GRID2: variants seen among roughly 807,000 people sequenced by gnomAD.
GRID2 encodes the protein glutamate ionotropic receptor delta type subunit 2, also known as glutamate receptor ionotropic, delta-2.
A neutral mutation model predicts 114.8 loss-of-function variants in GRID2; 33 were observed. The observed-to-expected ratio is 0.29, with a 90% CI of 0.22 to 0.38. The LOEUF is 0.38. Ranked by LOEUF, GRID2 falls within the 10% of genes least tolerant of loss-of-function variation. The pLI is 1.00. For synonymous variants in GRID2, 505 were observed against 449.9 expected (o/e 1.12, Z -1.55); for missense variants, 1,184 against 1,257.7 (o/e 0.94, Z 0.89).
chr4:93,644,568 A>G (rs908231662), intron 14 of GRID2, among the ~76,000 whole-genome samples: 2 of 152,182 alleles, frequency 1.3e-5, no homozygotes, highest in Admixed American at 1.3e-4. Context: ...TACTCCCTAA[A>G]AAAACCATCG....
intron 13 of GRID2, among the ~76,000 whole-genome samples, chr4:93,567,858 G>T (rs1735582180): frequency 6.6e-6 from 1 of 152,172 alleles, no homozygotes; most frequent in Admixed American, 6.5e-5. Flanking sequence ...AATGCATTTG[G>T]ATTTAAATGT....
At chr4:93,315,178 C>A (rs919142952) in intron 8 of GRID2, among the ~76,000 whole-genome samples, 1 of 152,088 alleles carries the variant, frequency 6.6e-6, no homozygotes, top group Non-Finnish European at 1.5e-5. Context: ...CACTCACCAT[C>A]ACAAGAACAG....
chr4:93,634,328 C>G (rs916253646), intron 14 of GRID2, among the ~76,000 whole-genome samples: 7 of 151,896 alleles, frequency 4.6e-5, no homozygotes, highest in African/African-American at 1.7e-4. Context: ...ATAAAAACGG[C>G]CATCATGTGT....
At chr4:93,086,141 CT>C (rs1457841654) in intron 3 of GRID2, among the ~76,000 whole-genome samples, 3 of 151,982 alleles carry the variant, frequency 2.0e-5, no homozygotes, top group African/African-American at 4.8e-5. Flanking sequence ...TAAAGAATGC[CT>C]ATTTTGAAAC....
intron 2 of GRID2, among the ~76,000 whole-genome samples, chr4:92,919,042 C>G (rs1439531600): frequency 6.6e-6 from 1 of 152,030 alleles, no homozygotes; most frequent in Non-Finnish European, 1.5e-5. Flanking sequence ...TGTTATTGGC[C>G]CATTCAGAGA....
chr4:92,307,491 C>T (rs1054190308), intron 1 of GRID2, among the ~76,000 whole-genome samples: 1 of 152,086 alleles, frequency 6.6e-6, no homozygotes, highest in Non-Finnish European at 1.5e-5. Flanking sequence ...ATTGAACCAA[C>T]TTATATATAC....
At chr4:93,200,566 A>AGAAC (rs1554006815) in intron 4 of GRID2, among the ~76,000 whole-genome samples, 2 of 149,762 alleles carry the variant, frequency 1.3e-5, no homozygotes, top group African/African-American at 5.0e-5. Flanking sequence ...ACTCCGTCTC[A>AGAAC]AAACAAACAA....
intron 2 of GRID2, among the ~76,000 whole-genome samples, chr4:92,980,284 A>G (rs1371686871): frequency 1.3e-5 from 2 of 152,016 alleles, no homozygotes; most frequent in Admixed American, 6.6e-5. Flanking sequence ...CATGCCATCT[A>G]CTTATTTGCA....
intron 2 of GRID2, among the ~76,000 whole-genome samples, chr4:92,836,452 A>G (rs1742466390): frequency 6.6e-6 from 1 of 152,144 alleles, no homozygotes. Flanking sequence ...AGCTGAATGG[A>G]TTTGATGAAC....
At chr4:92,407,784 G>GT (rs1731098137) in intron 1 of GRID2, among the ~76,000 whole-genome samples, 1 of 152,100 alleles carries the variant, frequency 6.6e-6, no homozygotes, top group African/African-American at 2.4e-5. Flanking sequence ...GGATTATGTG[G>GT]TTTTTTGCTT....
At chr4:92,842,093 T>A (rs1265887032) in intron 2 of GRID2, among the ~76,000 whole-genome samples, 1 of 152,144 alleles carries the variant, frequency 6.6e-6, no homozygotes, top group Non-Finnish European at 1.5e-5. Flanking sequence ...GTTAGATTTT[T>A]AAGAATGCTG....
chr4:93,508,397 A>C (rs745942421), intron 12 of GRID2, among the ~76,000 whole-genome samples: 3 of 151,712 alleles, frequency 2.0e-5, no homozygotes, highest in Non-Finnish European at 2.9e-5. Context: ...GGGTTTCACC[A>C]TGTTGGCCAG....
intron 2 of GRID2, among the ~76,000 whole-genome samples, chr4:92,852,840 T>C (rs996633126): frequency 9.9e-5 from 15 of 151,956 alleles, no homozygotes; most frequent in African/African-American, 3.6e-4. Context: ...CATTCTCCCA[T>C]GTTATGCCTG....
chr4:93,579,733 C>T (rs896853853), intron 13 of GRID2, among the ~76,000 whole-genome samples: 2 of 152,140 alleles, frequency 1.3e-5, no homozygotes, highest in African/African-American at 4.8e-5. Flanking sequence ...ATTGAGGCAA[C>T]GCTTGCCCAC....
intron 2 of GRID2, among the ~76,000 whole-genome samples, chr4:92,719,262 C>A (rs1735698829): frequency 6.6e-6 from 1 of 152,114 alleles, no homozygotes; most frequent in African/African-American, 2.4e-5. Context: ...GCTGGGATTA[C>A]AGGCATGAGT....
chr4:93,761,779 T>C (rs1203877567), intron 14 of GRID2, among the ~76,000 whole-genome samples: 1 of 152,196 alleles, frequency 6.6e-6, no homozygotes, highest in East Asian at 1.9e-4. Flanking sequence ...ACTGAGGTAT[T>C]AGATGCTATC....
intron 2 of GRID2, among the ~76,000 whole-genome samples, chr4:92,930,647 A>T (rs1750163342): frequency 1.3e-5 from 2 of 148,858 alleles, no homozygotes; most frequent in African/African-American, 4.9e-5. Flanking sequence ...GCATCAAAAG[A>T]CTTATAAAAT....
rs867074246 is a variant in GRID2 at position 93,184,524 on chromosome 4, A to C, written c.736-22880A>C. ...TTATTTCTCAAAAAAAAAAAAAAAAAAAAAAACTCACAGGTACTCTTTCAT... is the reference window on the plus strand; with the variant it reads ...TTATTTCTCAAAAAAAAAAAAAAAACAAAAAACTCACAGGTACTCTTTCAT... On this transcript the variant is annotated intron_variant, in intron 4 of 15. Coordinates refer to ENST00000282020, the MANE Select transcript of GRID2 (RefSeq NM_001510.4). Among the ~76,000 whole-genome samples, 305 of 151,964 alleles carry C rather than the reference A, an allele frequency of 2.0e-3. 1 individual carries two copies. Among genetic ancestry groups the C allele is most frequent in the African/African-American group, 6.9e-3 (288 of 41,456 alleles).
rs552633057 is a variant in GRID2 at position 92,913,476 on chromosome 4, T to C, written c.245-171519T>C. Among the ~76,000 whole-genome samples, 303 of 152,044 alleles carry C rather than the reference T, an allele frequency of 2.0e-3. 3 individuals are homozygous for C. The highest frequency in any genetic ancestry group is 7.0e-3 in the African/African-American group (289 of 41,542). ...ATGTCTTTCAAGATTATCCTAAATA[T>C]AACTTTTATCTGAACTCCCTCTGTT... is the stretch of plus-strand genomic sequence containing the variant. On this transcript the variant is annotated intron_variant, in intron 2 of 15. Transcript: ENST00000282020.
Sources: gnomAD v4.1 joint callset for allele counts (sites outside exome capture counted in the v4.1 genomes callset) on GRCh38, gnomAD v4.1.1 for gene constraint, MANE v1.5 for transcripts, NCBI Gene and HGNC (gene_info 2026-07-23, HGNC 2026-07-21) for gene names.